The following CCDC40 variants were observed in gnomAD, a reference collection of about 807,000 sequenced individuals.
CCDC40 encodes the protein coiled-coil domain-containing protein 40.
In CCDC40, 104 loss-of-function variants were observed where a neutral mutation model predicts 124.5. The observed-to-expected ratio is 0.84, with a 90% CI of 0.71 to 0.98. The LOEUF is 0.98. CCDC40 is among the 50% of genes least tolerant of loss of function. CCDC40 has a pLI of 0.00. For missense variants in CCDC40, 1,463 were observed against 1,503.9 expected (o/e 0.97, Z 0.45); for synonymous variants, 580 against 602.9 (o/e 0.96, Z 0.56).
intron 3 of CCDC40, among the ~76,000 whole-genome samples, chr17:80,044,693 C>G (rs993455666): frequency 1.9e-5 from 1 of 54,032 alleles, no homozygotes; most frequent in Admixed American, 2.1e-4. Flanking sequence ...AAAAACAAAA[C>G]AAAACAAACA....
Position 80,066,037 on chromosome 17 carries a change from C to G in CCDC40, c.1562+431C>G. The G allele has an allele frequency of 1.4e-6, 1 of 696,594 alleles. No homozygotes were observed. The highest frequency in any genetic ancestry group is 1.5e-5 in the South Asian group (1 of 67,352). The allele number at this position is 696,594 out of a possible 1,614,324, so 43.2% of individuals were successfully genotyped here. On this transcript the variant is annotated intron_variant, in intron 10 of 19. Coordinates refer to ENST00000397545, the MANE Select transcript of CCDC40 (RefSeq NM_017950.4). This position sits in a 1 kb window ranked among gnomAD's most constrained non-coding sequence, Gnocchi z 4.4. ...AAGGAAGGGGAGGAAGAGGCCTCCTCTGGGCATCCCCTCACTTCTGGGGAT... is the reference window on the plus strand; with the variant it reads ...AAGGAAGGGGAGGAAGAGGCCTCCTGTGGGCATCCCCTCACTTCTGGGGAT...
At chr17:80,098,825 G>A (rs2038857193) in intron 19 of CCDC40, 1 of 151,744 alleles carries the variant, frequency 6.6e-6, no homozygotes, top group Admixed American at 6.6e-5. Context: ...TGTAATCTCA[G>A]CTACCCGGGC....
At position 80,058,415 on chromosome 17, in the gene CCDC40, C is replaced by T; in HGVS notation, c.1160-79C>T. 2 of 1,386,238 alleles carry T rather than the reference C, an allele frequency of 1.4e-6. No individual in the cohort carries two copies. Among genetic ancestry groups the T allele is most frequent in the South Asian group, 1.2e-5 (1 of 85,922 alleles). The allele number at this position is 1,386,238 out of a possible 1,614,324, so 85.9% of individuals were successfully genotyped here. A position where few individuals can be genotyped will look rare whatever the true frequency, so the allele number is the denominator to read the frequency against. ...CCAGAACGGCTGTTCCCTGCTTCCT[C>T]CTGGGTCTCTGCATGGGGGACGCTG... On this transcript the variant is annotated intron_variant, in intron 7 of 19. Transcript: ENST00000397545. This position sits in a 1 kb window ranked among gnomAD's most constrained non-coding sequence, Gnocchi z 4.2.
chr17:80,064,758 G>A (rs9901556), intron 9 of CCDC40, among the ~76,000 whole-genome samples: 27,020 of 139,200 alleles, frequency 0.19, 3,390 homozygotes, highest in African/African-American at 0.37. Flanking sequence ...TCCAGCCTCC[G>A]CTCAGCCTGC....
At chr17:80,039,674 T>G in intron 2 of CCDC40, 138 bp from the exon 3 acceptor site, 1 of 1,153,298 alleles carries the variant, frequency 8.7e-7, no homozygotes, top group Non-Finnish European at 1.2e-6. Context: ...CCTCCCAAAG[T>G]GAAACATGAT....
At chr17:80,077,386 G>A (rs2038334494) in intron 10 of CCDC40, among the ~76,000 whole-genome samples, 1 of 152,170 alleles carries the variant, frequency 6.6e-6, no homozygotes, top group African/African-American at 2.4e-5. Flanking sequence ...AGCTGGGTAT[G>A]GTGGTGCATG....
chr17:80,099,651 A>G lies in CCDC40; in HGVS notation c.3305A>G (p.Lys1102Arg). Residue 1102 changes from lysine to arginine, a missense_variant, in exon 20 of 20, where the codon AAG (lysine) becomes AGG (arginine). Physicochemically the swap from Lys to Arg is conservative, Grantham distance 26. Transcript: ENST00000397545. Reference sequence around the variant, plus strand: ...GTGCTGGAGCGCCAGCGCCTGGACAAGCGACTGGCTCTCATCGCCACCATC... The same window carrying G: ...GTGCTGGAGCGCCAGCGCCTGGACAGGCGACTGGCTCTCATCGCCACCATC... ...SLVLERQRLD[K>R]RLALIATILD... The G allele has an allele frequency of 1.2e-6, 2 of 1,613,860 alleles. No homozygotes were observed. The highest frequency in any genetic ancestry group is 1.7e-6 in the Non-Finnish European group (2 of 1,179,990).
In CCDC40 at chr17:80,059,902, G is replaced by A. The variant is rs184149497; in HGVS notation, c.1440+922G>A. ...AGGACTTGAAGGAACGGATGAGCAC[G>A]CTGGGCTCCCAGGGTAAAGGGAGGG... On this transcript the variant is annotated intron_variant, in intron 9 of 19. Coordinates refer to ENST00000397545, the MANE Select transcript of CCDC40 (RefSeq NM_017950.4). Among the ~76,000 whole-genome samples, 5 of 152,242 alleles carry A rather than the reference G, an allele frequency of 3.3e-5. No homozygotes were observed. In the East Asian group the frequency reaches 7.7e-4, roughly 24 times the overall value.
At chr17:80,082,645 G>A (rs534423257) in intron 12 of CCDC40, among the ~76,000 whole-genome samples, 2 of 152,180 alleles carry the variant, frequency 1.3e-5, no homozygotes, top group South Asian at 4.2e-4. Context: ...AAGCTCTGCC[G>A]GTTTTGCCCT....
In CCDC40 at chr17:80,099,578, G is replaced by A. The variant is rs768412073; in HGVS notation, c.3232G>A (p.Val1078Met). Residue 1078 changes from valine to methionine, a missense_variant, in exon 20 of 20, where the codon GTG (valine) becomes ATG (methionine). Transcript: ENST00000397545. The part of the protein sequence containing the change: ...LQTRLKHLQA[V>M]KEGRYVFLFR... ...GACACGCCTTAAGCACCTGCAGGCT[G>A]TGAAGGAGGGGCGCTACGTGTTCCT... The A allele has an allele frequency of 6.2e-7, 1 of 1,613,360 alleles. No individual in the cohort carries two copies. The highest frequency in any genetic ancestry group is 2.2e-5 in the East Asian group (1 of 44,888).
intron 3 of CCDC40, among the ~76,000 whole-genome samples, chr17:80,040,888 GAGAGCTCTC>G (rs1252453527): frequency 6.6e-6 from 1 of 152,140 alleles, no homozygotes; most frequent in Non-Finnish European, 1.5e-5. Context: ...TGTGGCTACA[GAGAGCTCTC>G]CAAATGTGAC....
chr17:80,048,120 G>A (rs921870095), intron 4 of CCDC40, among the ~76,000 whole-genome samples: 2 of 152,176 alleles, frequency 1.3e-5, no homozygotes, highest in South Asian at 2.1e-4. Flanking sequence ...ATTACCGGGC[G>A]TGGTGGCGGG....
intron 7 of CCDC40, among the ~76,000 whole-genome samples, chr17:80,054,803 G>C (rs575656411): frequency 6.6e-6 from 1 of 152,140 alleles, no homozygotes; most frequent in African/African-American, 2.4e-5. Context: ...GTGAAACCCT[G>C]TTTCTACTAA....
chr17:80,053,318 G>A (rs1475884759), intron 7 of CCDC40, among the ~76,000 whole-genome samples: 2 of 152,236 alleles, frequency 1.3e-5, no homozygotes, highest in African/African-American at 4.8e-5. Context: ...GCCTCTTGAG[G>A]CCGGGCCTGG....
Position 80,085,085 on chromosome 17 carries a change from G to A in CCDC40, c.2235+97G>A, listed in dbSNP as rs941222758. 1.8e-5 allele frequency: 27 copies of A among 1,470,918 alleles called. No individual in the cohort carries two copies. The Admixed American group carries it at 5.1e-4, about 28-fold the overall frequency. The allele number at this position is 1,470,918 out of a possible 1,614,324, so 91.1% of individuals were successfully genotyped here. On this transcript the variant is annotated intron_variant, in intron 13 of 19. Coordinates refer to ENST00000397545, the MANE Select transcript of CCDC40 (RefSeq NM_017950.4). ...CCCCCACGGTCAGACATGAACTCCT[G>A]GAAGGCACAGAACTGCCTCTTTCCC... is the stretch of plus-strand genomic sequence containing the variant.
At position 80,048,584 on chromosome 17, in the gene CCDC40, G is replaced by A; in HGVS notation, c.678G>A (p.Val226=). 1 of 1,612,984 alleles carries A rather than the reference G, an allele frequency of 6.2e-7. No homozygotes were observed. The highest frequency in any genetic ancestry group is 8.5e-7 in the Non-Finnish European group (1 of 1,179,460). The part of the protein sequence containing the change: ...DLEEFVSQEP[V]IPPGVPDAHP... ...TGGTGTCGCTGTCTCTCCCCCCAGTGATCCCCCCAGGGGTGCCCGATGCCC... is the reference window on the plus strand; with the variant it reads ...TGGTGTCGCTGTCTCTCCCCCCAGTAATCCCCCCAGGGGTGCCCGATGCCC... The change falls in exon 5 of 20, where the codon GTG becomes GTA. Residue 226 remains valine, a splice_region_variant and synonymous_variant. Coordinates refer to ENST00000397545, the MANE Select transcript of CCDC40 (RefSeq NM_017950.4).
intron 7 of CCDC40, among the ~76,000 whole-genome samples, chr17:80,056,008 A>ATTTTTTTTTT (rs1242487948): frequency 1.3e-3 from 16 of 12,280 alleles, no homozygotes; most frequent in African/African-American, 3.9e-3. Context: ...ATATATATAT[A>ATTTTTTTTTT]TATATATATT....
chr17:80,074,370 C>T (rs1341716784), intron 10 of CCDC40, among the ~76,000 whole-genome samples: 2 of 152,084 alleles, frequency 1.3e-5, no homozygotes, highest in Non-Finnish European at 2.9e-5. Flanking sequence ...GTTATCCAGG[C>T]ATGGCGGCAG....
At position 80,050,205 on chromosome 17, in the gene CCDC40, CAGA is replaced by C; in HGVS notation, c.1084_1086del (p.Lys362del). 6.2e-7 allele frequency: 1 copy of C among 1,610,762 alleles called. No individual in the cohort carries two copies. The highest frequency in any genetic ancestry group is 8.5e-7 in the Non-Finnish European group (1 of 1,179,330). On this transcript the variant is annotated inframe_deletion, in exon 7 of 20. Coordinates refer to ENST00000397545, the MANE Select transcript of CCDC40 (RefSeq NM_017950.4). ...CGCAATGGCCTCGAGCGAGCGCAGG[CAGA>C]AGGAGGAGGAGCTGCAGGCCGCCCG...
Sources: gnomAD v4.1 joint callset for allele counts (sites outside exome capture counted in the v4.1 genomes callset) on GRCh38, gnomAD v4.1.1 for gene constraint, Gnocchi (gnomAD v3.1) non-coding constraint, MANE v1.5 for transcripts, NCBI Gene and HGNC (gene_info 2026-07-23, HGNC 2026-07-21) for gene names.